The following TMEM117 variants were observed in gnomAD, a reference collection of about 807,000 sequenced individuals.
The protein encoded by TMEM117 is transmembrane protein 117.
In TMEM117, 27 loss-of-function variants were observed where a neutral mutation model predicts 52.4. The ratio of observed to expected loss-of-function variants is 0.51; its 90% CI spans 0.38 to 0.71. The LOEUF is 0.71. TMEM117 is among the 30% of genes least tolerant of loss of function. The pLI is 0.00. For synonymous variants in TMEM117, 215 were observed against 206.3 expected, an observed-to-expected ratio of 1.04 and a Z score of -0.36; for missense variants, 556 against 630.5, an observed-to-expected ratio of 0.88 and a Z score of 1.26.
intron 2 of TMEM117, among the ~76,000 whole-genome samples, chr12:43,920,549 C>CCT (rs1944675812): frequency 9.3e-5 from 8 of 86,038 alleles, no homozygotes; most frequent in African/African-American, 2.9e-4. Flanking sequence ...CCTAGAGGGC[C>CCT]TTTTTTTTTT....
chr12:43,833,977 C>T (rs1345172105), upstream of TMEM117, among the ~76,000 whole-genome samples: 1 of 152,044 alleles, frequency 6.6e-6, no homozygotes, highest in Non-Finnish European at 1.5e-5. Flanking sequence ...CCTGTTGTCC[C>T]ATCTACTCTG....
chr12:44,220,710 C>T (rs1258469639), intron 5 of TMEM117, among the ~76,000 whole-genome samples: 1 of 152,028 alleles, frequency 6.6e-6, no homozygotes, highest in Non-Finnish European at 1.5e-5. Context: ...CCTGCAGCAT[C>T]GTGTCATGCC....
chr12:44,250,198 C>G (rs1950179770), intron 5 of TMEM117, among the ~76,000 whole-genome samples: 2 of 152,108 alleles, frequency 1.3e-5, no homozygotes, highest in South Asian at 4.2e-4. Flanking sequence ...AGACACTTCT[C>G]AAAAGAAGAC....
intron 4 of TMEM117, among the ~76,000 whole-genome samples, chr12:44,151,173 G>A (rs1022233786): frequency 2.6e-5 from 4 of 151,736 alleles, no homozygotes; most frequent in African/African-American, 9.7e-5. Flanking sequence ...CAGAGACAGG[G>A]GATGCTCATT....
intron 4 of TMEM117, among the ~76,000 whole-genome samples, chr12:44,196,360 A>G (rs1186551132): frequency 2.0e-5 from 3 of 152,198 alleles, no homozygotes; most frequent in Non-Finnish European, 4.4e-5. Context: ...TAACAAATAT[A>G]AGATTAATCC....
intron 6 of TMEM117, among the ~76,000 whole-genome samples, chr12:44,327,114 T>C (rs777597050): frequency 6.6e-6 from 1 of 152,150 alleles, no homozygotes; most frequent in Non-Finnish European, 1.5e-5. Context: ...GTACTGGGGC[T>C]ACAAAGGTAA....
chr12:43,805,890 G>C, the TMEM117 span: 3 of 1,459,650 alleles, frequency 2.1e-6, no homozygotes, highest in South Asian at 3.4e-5. Flanking sequence ...TCTTCCCTAC[G>C]TGACCAAAAG....
At chr12:44,057,342 T>C (rs902318375) in intron 3 of TMEM117, among the ~76,000 whole-genome samples, 1 of 152,140 alleles carries the variant, frequency 6.6e-6, no homozygotes, top group Non-Finnish European at 1.5e-5. Flanking sequence ...GAACTTGTAG[T>C]GGGAGACAAA....
intron 5 of TMEM117, among the ~76,000 whole-genome samples, chr12:44,246,794 G>A (rs1950136256): frequency 6.6e-6 from 1 of 152,142 alleles, no homozygotes; most frequent in Admixed American, 6.5e-5. Flanking sequence ...AAATATGTAT[G>A]AAGAATGTTT....
intron 4 of TMEM117, among the ~76,000 whole-genome samples, chr12:44,192,931 G>A (rs1949373967): frequency 6.6e-6 from 1 of 152,188 alleles, no homozygotes; most frequent in African/African-American, 2.4e-5. Flanking sequence ...AAGGTACAAA[G>A]TGAAAACTTG....
chr12:44,042,781 CA>C (rs1565804529), intron 3 of TMEM117, among the ~76,000 whole-genome samples: 1 of 150,748 alleles, frequency 6.6e-6, no homozygotes, highest in Non-Finnish European at 1.5e-5. Flanking sequence ...CACACACACA[CA>C]CACACACACA....
chr12:43,905,250 C>T (rs972677339), intron 2 of TMEM117, among the ~76,000 whole-genome samples: 3 of 152,208 alleles, frequency 2.0e-5, no homozygotes, highest in Non-Finnish European at 4.4e-5. Context: ...TTAGAAAGGG[C>T]AGCTGCAGTT....
intron 3 of TMEM117, among the ~76,000 whole-genome samples, chr12:44,114,460 A>C (rs1948099568): frequency 6.6e-6 from 1 of 152,188 alleles, no homozygotes; most frequent in South Asian, 2.1e-4. Flanking sequence ...ACTCAGGAGT[A>C]CTGAACCCAG....
Position 43,958,230 on chromosome 12 carries a change from T to A in TMEM117, c.410+13888T>A, listed in dbSNP as rs186869040. On this transcript the variant is annotated intron_variant, in intron 3 of 7. Coordinates refer to ENST00000266534, the MANE Select transcript of TMEM117 (RefSeq NM_032256.3). ...TGTTTATAGACTTATTTTCATATTA[T>A]AATGATAAATACTGTGTCTAGCACT... Among the ~76,000 whole-genome samples, 11 of 152,356 alleles carry A rather than the reference T, an allele frequency of 7.2e-5. No homozygotes were observed. In the East Asian group the frequency reaches 2.1e-3, roughly 29 times the overall value.
chr12:44,257,673 T>C (rs1950275427), intron 5 of TMEM117, among the ~76,000 whole-genome samples: 1 of 152,096 alleles, frequency 6.6e-6, no homozygotes. Flanking sequence ...AATCAACTAC[T>C]CCAACATAGA....
chr12:44,119,451 T>G (rs12316922), intron 3 of TMEM117, among the ~76,000 whole-genome samples: 2,362 of 152,296 alleles, frequency 0.016, 66 homozygotes, highest in African/African-American at 0.053. Flanking sequence ...TTGTTGAAAG[T>G]CAGGAGAGTG....
chr12:44,150,047 G>A (rs903443413), intron 4 of TMEM117, among the ~76,000 whole-genome samples: 2 of 152,150 alleles, frequency 1.3e-5, no homozygotes, highest in African/African-American at 4.8e-5. Context: ...CTCTTTTGCT[G>A]TCTTTCTCTG....
intron 4 of TMEM117, among the ~76,000 whole-genome samples, chr12:44,172,161 G>A (rs1357920863): frequency 2.0e-5 from 3 of 152,168 alleles, no homozygotes; most frequent in Non-Finnish European, 4.4e-5. Flanking sequence ...GGTTCTTTTA[G>A]GATTGCACAT....
At chr12:43,999,276 T>C (rs1419230824) in intron 3 of TMEM117, among the ~76,000 whole-genome samples, 1 of 152,220 alleles carries the variant, frequency 6.6e-6, no homozygotes, top group Non-Finnish European at 1.5e-5. Context: ...CTCCTGTTTG[T>C]GTGTCATGCT....
Sources: allele counts gnomAD v4.1 joint callset (sites outside exome capture counted in the v4.1 genomes callset), GRCh38; gene constraint gnomAD v4.1.1; transcripts MANE v1.5; gene names NCBI Gene and HGNC (gene_info 2026-07-23, HGNC 2026-07-21).